Variants in LRP1 observed in about 807,000 individuals in gnomAD.
LRP1 encodes the protein LDL receptor related protein 1, also known as prolow-density lipoprotein receptor-related protein 1.
A neutral mutation model predicts 541.5 loss-of-function variants in LRP1; 51 were observed. The ratio of observed to expected loss-of-function variants is 0.09; its 90% CI spans 0.08 to 0.12. The LOEUF (loss-of-function observed/expected upper bound fraction) is 0.12, where lower values mean the gene tolerates loss of function less well. LRP1 is among the 10% of genes least tolerant of loss of function. The pLI, the probability that LRP1 is intolerant of heterozygous loss-of-function variation, is 1.00. For missense variants in LRP1, 3,878 were observed against 6,376.2 expected (o/e 0.61, Z 13.34); for synonymous variants, 2,219 against 2,470.8 (o/e 0.90, Z 3.02).
At chr12:57,192,065 C>G (rs1446409921) in intron 44 of LRP1, among the ~76,000 whole-genome samples, 1 of 145,848 alleles carries the variant, frequency 6.9e-6, no homozygotes, top group Non-Finnish European at 1.5e-5. Context: ...ACAGCACACA[C>G]ACACACCACA....
Position 57,179,228 on chromosome 12 carries a change from G to A in LRP1, c.4739-101G>A. On this transcript the variant is annotated intron_variant, in intron 28 of 88. Coordinates refer to ENST00000243077, the MANE Select transcript of LRP1 (RefSeq NM_002332.3). The surrounding 1 kb of genome is among the most constrained non-coding windows in gnomAD (Gnocchi z 6.8). ...GGTATGTCCACGGAGCCAAGGGCCA[G>A]TAGCAAACAGACGGATCCAGAAGAA... The A allele has an allele frequency of 8.4e-7, 1 of 1,194,482 alleles. No homozygotes were observed. The highest frequency in any genetic ancestry group is 1.2e-6 in the Non-Finnish European group (1 of 833,550). 74.0% of individuals were successfully genotyped at this position (1,194,482 alleles called of 1,614,324 possible).
At chr12:57,132,532 A>C (rs2035058835) in intron 1 of LRP1, among the ~76,000 whole-genome samples, 3 of 152,130 alleles carry the variant, frequency 2.0e-5, no homozygotes, top group African/African-American at 4.8e-5. Flanking sequence ...CGGGGTAGTC[A>C]TTCTCTGGGT....
chr12:57,130,920 C>T (rs2035025527), intron 1 of LRP1, among the ~76,000 whole-genome samples: 1 of 152,174 alleles, frequency 6.6e-6, no homozygotes, highest in Admixed American at 6.5e-5. Context: ...CCTCCCCAAA[C>T]ACACACCAAT....
chr12:57,209,011 T>C (rs2036850215), intron 78 of LRP1, 72 bp from the exon 79 acceptor site: 6 of 1,292,600 alleles, frequency 4.6e-6, no homozygotes, highest in East Asian at 4.7e-5. Flanking sequence ...GTCCCGGGCA[T>C]GGAGGCAGTT....
chr12:57,194,267 C>T, intron 48 of LRP1, 87 bp from the exon 49 acceptor site: 1 of 1,435,736 alleles, frequency 7.0e-7, no homozygotes, highest in Non-Finnish European at 9.3e-7. Context: ...TTTGGAAACA[C>T]ATGAAGGCTC....
In LRP1 at chr12:57,197,409, C is replaced by A; in HGVS notation, c.9162+25C>A. On this transcript the variant is annotated intron_variant, in intron 57 of 88. Coordinates refer to ENST00000243077, the MANE Select transcript of LRP1 (RefSeq NM_002332.3). This position sits in a 1 kb window ranked among gnomAD's most constrained non-coding sequence, Gnocchi z 4.5. ...GGTACCAAACCCAGGCCCTCCTCCCCGCTGCCCATCTCCCAGACCCAGCAC... is the reference window on the plus strand; with the variant it reads ...GGTACCAAACCCAGGCCCTCCTCCCAGCTGCCCATCTCCCAGACCCAGCAC... 6.2e-7 allele frequency: 1 copy of A among 1,610,114 alleles called. No individual in the cohort carries two copies. Among genetic ancestry groups the A allele is most frequent in the South Asian group, 1.1e-5 (1 of 90,886 alleles).
Position 57,131,313 on chromosome 12 carries a change from A to G in LRP1, c.67+2282A>G, listed in dbSNP as rs570223340. ...AGTAACGTCACTCCCCACTAGCGAC[A>G]AAATTGAGTGTACCTGCTGCTGGAG... On this transcript the variant is annotated intron_variant, in intron 1 of 88. Coordinates refer to ENST00000243077, the MANE Select transcript of LRP1 (RefSeq NM_002332.3). Among the ~76,000 whole-genome samples, 3 of 152,254 alleles carry G rather than the reference A, an allele frequency of 2.0e-5. No homozygotes were observed. The South Asian group carries it at 6.2e-4, about 32-fold the overall frequency.
Position 57,211,959 on chromosome 12 carries a change from C to T in LRP1, c.13291C>T (p.Leu4431=), listed in dbSNP as rs771927010. Residue 4431 remains leucine, a synonymous_variant, in exon 87 of 89, where the codon CTG becomes TTG. Coordinates refer to ENST00000243077, the MANE Select transcript of LRP1 (RefSeq NM_002332.3). This position sits in a 1 kb window ranked among gnomAD's most constrained non-coding sequence, Gnocchi z 4.3. Reference sequence around the variant, plus strand: ...CTCCATCCTAATCCCTCTGCTGTTGCTGCTGCTGCTGGTTCTGGTGGCCGG... The same window carrying T: ...CTCCATCCTAATCCCTCTGCTGTTGTTGCTGCTGCTGGTTCTGGTGGCCGG... ...IASILIPLLL[L]LLLVLVAGVV... is the part of the protein sequence containing the mutation. The T allele has an allele frequency of 6.2e-7, 1 of 1,612,188 alleles. No homozygotes were observed. The highest frequency in any genetic ancestry group is 8.5e-7 in the Non-Finnish European group (1 of 1,178,342).
At chr12:57,194,942 C>G in intron 50 of LRP1, 43 bp from the exon 51 acceptor site, 2 of 1,524,830 alleles carry the variant, frequency 1.3e-6, no homozygotes, top group Non-Finnish European at 1.8e-6. Flanking sequence ...AGGTGGGTGA[C>G]CCCCACCCTT....
At position 57,202,500 on chromosome 12, in the gene LRP1, C is replaced by T; in HGVS notation, c.10674C>T (p.Asp3558=). 1 of 1,613,492 alleles carries T rather than the reference C, an allele frequency of 6.2e-7. No individual in the cohort carries two copies. The highest frequency in any genetic ancestry group is 8.5e-7 in the Non-Finnish European group (1 of 1,179,978). Residue 3558 remains aspartate (D), a synonymous_variant, in exon 68 of 89, where the codon GAC becomes GAT. Transcript: ENST00000243077. ...CVPGRWQCDY[D]NDCGDNSDEE... is the part of the protein sequence containing the mutation. ...CCGGCCGCTGGCAGTGCGACTACGA[C>T]AACGATTGCGGTGACAACTCCGATG... is the stretch of plus-strand genomic sequence containing the variant.
intron 2 of LRP1, among the ~76,000 whole-genome samples, chr12:57,140,212 C>G (rs568444954): frequency 1.3e-5 from 2 of 152,168 alleles, no homozygotes; most frequent in South Asian, 4.1e-4. Context: ...AGTTCTGGGA[C>G]TATAGGCGTG....
intron 15 of LRP1, 24 bp downstream of exon 15, chr12:57,163,007 G>A (rs781398427): frequency 8.8e-6 from 14 of 1,587,644 alleles, no homozygotes; most frequent in Non-Finnish European, 1.0e-5. Context: ...GGCTGGGTGG[G>A]AGTGGGAAGC....
intron 1 of LRP1, among the ~76,000 whole-genome samples, chr12:57,130,238 C>A (rs1203330462): frequency 6.6e-6 from 1 of 152,174 alleles, no homozygotes; most frequent in Non-Finnish European, 1.5e-5. Flanking sequence ...CCATCATACA[C>A]CCCCTCCTCT....
rs1241310411 is a variant in LRP1, at chr12:57,128,751, CA to C, written c.-213del. ...GGGGTGAAGGGTTTGGATTTCGGGGCAGGGGGCGCACCCCCGTCAGCAGGCC... is the reference window on the plus strand; with the variant it reads ...GGGGTGAAGGGTTTGGATTTCGGGGCGGGGGCGCACCCCCGTCAGCAGGCC... On this transcript the variant is annotated 5_prime_UTR_variant, in exon 1 of 89. Transcript: ENST00000243077. 6.0e-5 allele frequency: 27 copies of C among 447,224 alleles called. No individual in the cohort carries two copies. Among genetic ancestry groups the C allele is most frequent in the Non-Finnish European group, 8.1e-6 (2 of 248,436 alleles). 27.7% of individuals were successfully genotyped at this position (447,224 alleles called of 1,614,324 possible). A position where few individuals can be genotyped will look rare whatever the true frequency, so the allele number is the denominator to read the frequency against.
rs756612365 is a variant in LRP1 at position 57,145,332 on chromosome 12, G to T, written c.683G>T (p.Arg228Leu). Residue 228 changes from arginine to leucine, a missense_variant, in exon 6 of 89, where the codon CGG becomes CTG. By Grantham distance (102) the Arg-to-Leu change is moderately radical (BLOSUM62 -2). This residue lies in a region of LRP1 where 293 missense variants were observed against 403.7 expected (regional missense o/e 0.73). Coordinates refer to ENST00000243077, the MANE Select transcript of LRP1 (RefSeq NM_002332.3). ...TCTACCATCACACCTACGAGCACGC[G>T]GCAGACCACAGCCATGGACTTCAGC... is the stretch of plus-strand genomic sequence containing the variant. ...QVSTITPTST[R>L]QTTAMDFSYA... is the part of the protein sequence containing the mutation. 1 of 1,614,134 alleles carries T rather than the reference G, an allele frequency of 6.2e-7. No individual in the cohort carries two copies. Among genetic ancestry groups the T allele is most frequent in the Non-Finnish European group, 8.5e-7 (1 of 1,180,040 alleles).
Position 57,211,358 on chromosome 12 carries a change from G to T in LRP1, c.13091+8G>T. 2 of 1,613,432 alleles carry T rather than the reference G, an allele frequency of 1.2e-6. No individual in the cohort carries two copies. Among genetic ancestry groups the T allele is most frequent in the Non-Finnish European group, 1.7e-6 (2 of 1,179,896 alleles). ...TGGGGATGTCACCTGCAAGTGAGTGGGGCCCTCCTCCACAGTTCCACCCAG... is the reference window on the plus strand; with the variant it reads ...TGGGGATGTCACCTGCAAGTGAGTGTGGCCCTCCTCCACAGTTCCACCCAG... On this transcript the variant is annotated splice_region_variant and intron_variant, in intron 84 of 88. Coordinates refer to ENST00000243077, the MANE Select transcript of LRP1 (RefSeq NM_002332.3). The surrounding 1 kb of genome is among the most constrained non-coding windows in gnomAD (Gnocchi z 4.3).
chr12:57,197,577 C>T lies in LRP1; in HGVS notation c.9195C>T (p.Asp3065=). The T allele has an allele frequency of 6.2e-7, 1 of 1,614,162 alleles. No homozygotes were observed. The highest frequency in any genetic ancestry group is 1.6e-4 in the Middle Eastern group (1 of 6,062). The change falls in exon 58 of 89, where the codon GAC becomes GAT. Residue 3065 remains aspartate (D), a synonymous_variant. Transcript: ENST00000243077. The surrounding 1 kb of genome is among the most constrained non-coding windows in gnomAD (Gnocchi z 4.5). ...GLNNAVALDF[D]YREQMIYWTD... ...ACAACGCCGTTGCCTTGGATTTTGACTACCGAGAGCAGATGATCTACTGGA... is the reference window on the plus strand; with the variant it reads ...ACAACGCCGTTGCCTTGGATTTTGATTACCGAGAGCAGATGATCTACTGGA...
At chr12:57,181,510 C>A (rs896945028) in intron 34 of LRP1, among the ~76,000 whole-genome samples, 1 of 152,160 alleles carries the variant, frequency 6.6e-6, no homozygotes, top group African/African-American at 2.4e-5. Flanking sequence ...ATGGAAGAGG[C>A]ATGCTCTGAG....
At chr12:57,187,740 G>A (rs2136714448) in intron 42 of LRP1, among the ~76,000 whole-genome samples, 1 of 152,362 alleles carries the variant, frequency 6.6e-6, no homozygotes, top group African/African-American at 2.4e-5. Flanking sequence ...AGAGCACCAT[G>A]TTGGAGGCAC....
Sources: gnomAD v4.1 joint callset for allele counts (sites outside exome capture counted in the v4.1 genomes callset) on GRCh38, gnomAD v4.1.1 for gene constraint, gnomAD v4.1.1 regional missense constraint, Gnocchi (gnomAD v3.1) non-coding constraint, MANE v1.5 for transcripts, NCBI Gene and HGNC (gene_info 2026-07-23, HGNC 2026-07-21) for gene names.